The following THOC2 variants were observed in gnomAD, a reference collection of about 807,000 sequenced individuals.
THOC2 encodes the protein THO complex 2.
THOC2 carries 10 observed loss-of-function variants against 128.4 expected under a neutral mutation model. The observed-to-expected ratio is 0.08, with a 90% confidence interval of 0.05 to 0.13. The LOEUF (loss-of-function observed/expected upper bound fraction) is 0.13. Among genes scored for constraint, THOC2 ranks in the 10% least tolerant of loss-of-function variants. THOC2 has a pLI of 1.00. For synonymous variants in THOC2, 393 were observed against 396.9 expected, an observed-to-expected ratio of 0.99 and a Z score of 0.12; for missense variants, 535 against 1,155.7, an observed-to-expected ratio of 0.46 and a Z score of 7.79.
At chrX:123,612,233 G>A (rs1467479606) in intron 36 of THOC2, among the ~76,000 whole-genome samples, 2 of 111,641 alleles carry the variant, frequency 1.8e-5, no homozygotes, top group Non-Finnish European at 3.8e-5. Context: ...CCACACAAAT[G>A]TTCACAGCAG....
intron 8 of THOC2, among the ~76,000 whole-genome samples, chrX:123,675,760 ATTG>A (rs1435786250): frequency 8.9e-6 from 1 of 111,765 alleles, no homozygotes; most frequent in East Asian, 2.8e-4. Context: ...TTGTGGATTT[ATTG>A]TTGTGTGTGT....
At chrX:123,613,821 G>T in intron 34 of THOC2, 113 bp from the exon 35 acceptor site, 2 of 769,559 alleles carry the variant, frequency 2.6e-6, no homozygotes, top group African/African-American at 2.1e-5. Context: ...ATTTGCAGTA[G>T]TTTCACATAC....
intron 25 of THOC2, 27 bp downstream of exon 25, chrX:123,625,884 CT>C (rs1313712172): frequency 8.4e-7 from 1 of 1,192,175 alleles, no homozygotes; most frequent in Non-Finnish European, 1.1e-6. Context: ...TGTGTGAGAA[CT>C]TTTTAAAGGT....
At chrX:123,653,051 C>T (rs765542491) in intron 12 of THOC2, among the ~76,000 whole-genome samples, 3 of 112,010 alleles carry the variant, frequency 2.7e-5, no homozygotes, top group African/African-American at 9.7e-5. Flanking sequence ...ACCAAAATAG[C>T]ATGGTACTGG....
At chrX:123,718,483 G>A (rs1386072157) in intron 1 of THOC2, among the ~76,000 whole-genome samples, 2 of 111,570 alleles carry the variant, frequency 1.8e-5, no homozygotes, top group Non-Finnish European at 3.8e-5. Context: ...CAGGAGGCCG[G>A]GTGCAGTGGC....
intron 9 of THOC2, among the ~76,000 whole-genome samples, chrX:123,670,772 A>G (rs2049245946): frequency 8.9e-6 from 1 of 112,495 alleles, no homozygotes; most frequent in African/African-American, 3.2e-5. Context: ...CAAGACAGAT[A>G]TGGTCACTAT....
chrX:123,673,903 T>C (rs936593542), intron 8 of THOC2, among the ~76,000 whole-genome samples: 1 of 111,762 alleles, frequency 8.9e-6, no homozygotes, highest in African/African-American at 3.3e-5. Flanking sequence ...TTGAATTTCA[T>C]ATCACTCACT....
intron 8 of THOC2, among the ~76,000 whole-genome samples, chrX:123,675,701 T>C (rs1002290906): frequency 9.0e-6 from 1 of 111,238 alleles, no homozygotes; most frequent in African/African-American, 3.3e-5. Flanking sequence ...CTATGGAGAT[T>C]AGATTCTTCT....
intron 38 of THOC2, chrX:123,603,626 G>A: frequency 1.7e-6 from 1 of 576,446 alleles, no homozygotes; most frequent in South Asian, 2.6e-5. Context: ...ACTTAAAGCA[G>A]ATTCCCATTA....
chrX:123,640,735 A>G, intron 15 of THOC2, 113 bp from the exon 16 acceptor site: 1 of 410,637 alleles, frequency 2.4e-6, no homozygotes. Context: ...AAATATCCAA[A>G]ATGGATTCAT....
intron 7 of THOC2, among the ~76,000 whole-genome samples, chrX:123,691,288 A>G (rs1300894768): frequency 8.9e-6 from 1 of 111,962 alleles, no homozygotes; most frequent in Non-Finnish European, 1.9e-5. Flanking sequence ...TCTTTTTCAT[A>G]CTATGAAGGG....
chrX:123,602,942 G>A (rs1197902206), intron 38 of THOC2: 2 of 109,120 alleles, frequency 1.8e-5, no homozygotes, highest in African/African-American at 6.7e-5. Context: ...AGGAGGCGGA[G>A]GTCACAGTGA....
intron 8 of THOC2, among the ~76,000 whole-genome samples, chrX:123,674,808 C>T (rs993067377): frequency 9.0e-6 from 1 of 110,843 alleles, no homozygotes; most frequent in Non-Finnish European, 1.9e-5. Flanking sequence ...CAATAGTGTA[C>T]AAAACCTCTG....
At chrX:123,654,917 ATATAGGTT>A (rs1344387438) in intron 12 of THOC2, among the ~76,000 whole-genome samples, 2 of 110,252 alleles carry the variant, frequency 1.8e-5, no homozygotes, top group Non-Finnish European at 3.8e-5. Flanking sequence ...CACAAAAAAT[ATATAGGTT>A]TATAGGTTTA....
chrX:123,636,220 T>G (rs1042137921), intron 18 of THOC2, 45 bp from the exon 19 acceptor site: 5 of 1,005,063 alleles, frequency 5.0e-6, no homozygotes, highest in Non-Finnish European at 6.9e-6. Context: ...TAAAACAAAA[T>G]GCACAAGTAT....
Position 123,644,629 on chromosome X carries a change from G to T in THOC2, c.1607C>A (p.Pro536Gln). ...TTGAGCTTTAACTTTTACTAAAAGT[G>T]GGTGACTGTTATAAGTTTCATTCTT... ...QWKNETYNSH[P>Q]LLVKVKAQTI... Residue 536 changes from proline to glutamine, a missense_variant, in exon 15 of 39, where the codon CCA becomes CAA. Transcript: ENST00000245838. The T allele has an allele frequency of 8.3e-7, 1 of 1,205,521 alleles. No homozygotes were observed. Among genetic ancestry groups the T allele is most frequent in the Non-Finnish European group, 1.1e-6 (1 of 891,946 alleles).
rs1400718906 is a variant in THOC2, at chrX:123,623,902, T to C, written c.3388A>G (p.Ile1130Val). The change falls in exon 28 of 39, where the codon ATA (isoleucine) becomes GTA (valine). Residue 1130 changes from isoleucine (I) to valine (V), a missense_variant. Physicochemically the swap from Ile to Val is conservative, Grantham distance 29 (BLOSUM62 3). This residue lies in a region of THOC2 where 20 missense variants were observed against 67.0 expected (regional missense o/e 0.30). Transcript: ENST00000245838. ...IRNILIVLTKILPWYPKVLNL... is the reference protein window; with the variant it reads ...IRNILIVLTKVLPWYPKVLNL... Reference sequence around the variant, plus strand: ...AAAACTTTTGGGTACCAAGGAAGTATTTTTGTTAGCACAATCAAGATATTC... The same window carrying C: ...AAAACTTTTGGGTACCAAGGAAGTACTTTTGTTAGCACAATCAAGATATTC... 8.3e-7 allele frequency: 1 copy of C among 1,209,599 alleles called. No individual in the cohort carries two copies. Among genetic ancestry groups the C allele is most frequent in the Non-Finnish European group, 1.1e-6 (1 of 895,034 alleles).
chrX:123,665,814 T>C lies in THOC2; in HGVS notation c.1214A>G (p.Lys405Arg), dbSNP rs1351193779. 1.7e-6 allele frequency: 2 copies of C among 1,151,003 alleles called. No individual in the cohort carries two copies. The highest frequency in any genetic ancestry group is 2.4e-5 in the Admixed American group (1 of 42,052). The allele number at this position is 1,151,003 out of a possible 1,213,427, so 94.9% of individuals were successfully genotyped here. Residue 405 changes from lysine (K) to arginine (R), a missense_variant, in exon 12 of 39, where the codon AAA (lysine) becomes AGA (arginine). By Grantham distance (26) the Lys-to-Arg change is conservative. This residue lies in a region of THOC2 where 197 missense variants were observed against 313.4 expected (regional missense o/e 0.63). Coordinates refer to ENST00000245838, the MANE Select transcript of THOC2 (RefSeq NM_001081550.2). ...YRRVGVPKGAKGSPVNALQNK... is the reference protein window; with the variant it reads ...YRRVGVPKGARGSPVNALQNK... The stretch of plus-strand genomic sequence containing the variant: ...TTGCAAAGCATTAACAGGTGAGCCT[T>C]TAGCACCTTTAGGAACTCCAACTCT...
intron 15 of THOC2, among the ~76,000 whole-genome samples, chrX:123,644,200 T>C (rs982150196): frequency 1.8e-5 from 2 of 112,468 alleles, no homozygotes; most frequent in Non-Finnish European, 3.8e-5. Flanking sequence ...TTCATTATGG[T>C]AACTTTCAGC....
Sources: allele counts gnomAD v4.1 joint callset (sites outside exome capture counted in the v4.1 genomes callset), GRCh38; gene constraint gnomAD v4.1.1; regional missense constraint gnomAD v4.1.1; transcripts MANE v1.5; gene names NCBI Gene and HGNC (gene_info 2026-07-23, HGNC 2026-07-21).